The following KMT2C variants were observed in gnomAD, a reference collection of about 807,000 sequenced individuals.
KMT2C encodes lysine methyltransferase 2C.
A neutral mutation model predicts 507.9 loss-of-function variants in KMT2C; 88 were observed. The observed-to-expected ratio is 0.17, with a 90% CI of 0.15 to 0.21. The LOEUF (loss-of-function observed/expected upper bound fraction) is 0.21, where lower values mean the gene tolerates loss of function less well. Ranked by LOEUF, KMT2C falls within the 10% of genes least tolerant of loss-of-function variation. KMT2C has a pLI of 1.00. For synonymous variants in KMT2C, 2,049 were observed against 2,080.8 expected (o/e 0.98, Z 0.42); for missense variants, 4,954 against 5,957.8 (o/e 0.83, Z 5.55).
chr7:152,381,859 G>A (rs932352172), intron 1 of KMT2C, among the ~76,000 whole-genome samples: 33 of 152,256 alleles, frequency 2.2e-4, no homozygotes, highest in African/African-American at 7.5e-4. Context: ...TTCTTTCCAA[G>A]TGAATGCCTC....
chr7:152,247,853 T>A (rs747870457), intron 14 of KMT2C, 49 bp downstream of exon 14: 1 of 1,418,446 alleles, frequency 7.0e-7, no homozygotes, highest in Non-Finnish European at 9.9e-7. Flanking sequence ...TCTGATTTTA[T>A]AGAATTGTTC....
At chr7:152,160,417 C>A (rs975334663) in intron 43 of KMT2C, among the ~76,000 whole-genome samples, 2 of 152,050 alleles carry the variant, frequency 1.3e-5, no homozygotes, top group Non-Finnish European at 1.5e-5. Flanking sequence ...CACACTTTAG[C>A]TTTGAGAATC....
At chr7:152,197,580 A>T (rs530960468) in intron 27 of KMT2C, among the ~76,000 whole-genome samples, 1 of 152,300 alleles carries the variant, frequency 6.6e-6, no homozygotes, top group South Asian at 2.1e-4. Flanking sequence ...GAATGAAAAA[A>T]AATCTGGATA....
chr7:152,280,196 CAA>C (rs2096178895), intron 6 of KMT2C, among the ~76,000 whole-genome samples: 3 of 152,050 alleles, frequency 2.0e-5, no homozygotes, highest in African/African-American at 7.2e-5. Context: ...GAGGAAAAAC[CAA>C]AGAGTGGCCT....
intron 1 of KMT2C, among the ~76,000 whole-genome samples, chr7:152,396,125 A>C (rs1333451295): frequency 6.6e-6 from 1 of 152,178 alleles, no homozygotes; most frequent in African/African-American, 2.4e-5. Context: ...TGAAAACCAA[A>C]ACCCAAAGCA....
At chr7:152,367,961 C>T (rs2097260904) in intron 1 of KMT2C, 2 of 921,584 alleles carry the variant, frequency 2.2e-6, no homozygotes, top group South Asian at 2.8e-5. Context: ...CAGAGGAATG[C>T]CAACAGTTTA....
chr7:152,159,297 G>A (rs771593086), intron 43 of KMT2C, among the ~76,000 whole-genome samples: 10 of 152,194 alleles, frequency 6.6e-5, no homozygotes, highest in Non-Finnish European at 1.0e-4. Flanking sequence ...CTTGAGGAAA[G>A]AGCAGAACTC....
intron 3 of KMT2C, among the ~76,000 whole-genome samples, chr7:152,321,829 A>G (rs555391992): frequency 9.9e-5 from 15 of 151,930 alleles, no homozygotes; most frequent in Non-Finnish European, 1.8e-4. Context: ...ATACTGTGAA[A>G]CTAACTGTCC....
At chr7:152,204,628 TA>T (rs2094246044) in intron 25 of KMT2C, among the ~76,000 whole-genome samples, 1 of 149,322 alleles carries the variant, frequency 6.7e-6, no homozygotes, top group African/African-American at 2.4e-5. Flanking sequence ...GATAGATAGA[TA>T]GATAGATAGA....
intron 16 of KMT2C, among the ~76,000 whole-genome samples, chr7:152,234,342 A>G (rs1588452148): frequency 6.6e-6 from 1 of 152,262 alleles, no homozygotes; most frequent in Middle Eastern, 3.4e-3. Flanking sequence ...AGATTGTGCC[A>G]TTGCACTCCA....
At chr7:152,207,490 T>C (rs2094339935) in intron 23 of KMT2C, 62 bp from the exon 24 acceptor site, 1 of 1,439,420 alleles carries the variant, frequency 6.9e-7, no homozygotes. Flanking sequence ...AATCCCTACA[T>C]AATGGGGAAT....
chr7:152,400,638 C>CT (rs2097566778), intron 1 of KMT2C, among the ~76,000 whole-genome samples: 1 of 152,212 alleles, frequency 6.6e-6, no homozygotes, highest in African/African-American at 2.4e-5. Context: ...TACCAGTCAA[C>CT]TGTAAGGGCT....
intron 1 of KMT2C, among the ~76,000 whole-genome samples, chr7:152,408,050 G>A (rs968657381): frequency 2.6e-5 from 4 of 151,338 alleles, no homozygotes; most frequent in African/African-American, 9.8e-5. Flanking sequence ...AGCACTCTGG[G>A]AGGCCGAGGT....
chr7:152,395,466 G>A (rs1266148088), intron 1 of KMT2C, among the ~76,000 whole-genome samples: 4 of 151,854 alleles, frequency 2.6e-5, no homozygotes, highest in Non-Finnish European at 5.9e-5. Context: ...TAGAATTATA[G>A]GCATGAGCCA....
chr7:152,194,282 AAAAG>A lies in KMT2C; in HGVS notation c.4508-25_4508-22del, dbSNP rs534208156. On this transcript the variant is annotated intron_variant, in intron 29 of 58. Coordinates refer to ENST00000262189, the MANE Select transcript of KMT2C (RefSeq NM_170606.3). ...TGCTCCTAGAATAAATTAAAAAAAA[AAAAG>A]AAACATTAACAGCTACTAATTCAAT... 138 of 1,430,502 alleles carry A rather than the reference AAAAG, an allele frequency of 9.6e-5. 1 individual carries two copies. In the African/African-American group the frequency reaches 1.6e-3, roughly 17 times the overall value. The allele number at this position is 1,430,502 out of a possible 1,614,324, so 88.6% of individuals were successfully genotyped here. A position where few individuals can be genotyped will look rare whatever the true frequency, so the allele number is the denominator to read the frequency against.
At position 152,181,838 on chromosome 7, in the gene KMT2C, T is replaced by C. The variant is rs6951159; in HGVS notation, c.6022A>G (p.Thr2008Ala). 1.8e-3 allele frequency: 2,927 copies of C among 1,614,138 alleles called. 52 individuals are homozygous for C. In the African/African-American group the frequency reaches 0.035, roughly 19 times the overall value. Residue 2008 changes from threonine to alanine, a missense_variant, in exon 36 of 59, where the codon ACT (threonine) becomes GCT (alanine). Coordinates refer to ENST00000262189, the MANE Select transcript of KMT2C (RefSeq NM_170606.3). ...ACATCTGCCCTAGGAGATGGTTTAGTAAAGTGATCACTGGTTCCAGCTGCT... is the reference window on the plus strand; with the variant it reads ...ACATCTGCCCTAGGAGATGGTTTAGCAAAGTGATCACTGGTTCCAGCTGCT... Reference protein sequence around the residue: ...PIAAGTSDHFTKPSPRADVFQ... With the variant: ...PIAAGTSDHFAKPSPRADVFQ...
rs10238690 is a variant in KMT2C, at chr7:152,245,951, A to C, written c.2532+1951T>G. On this transcript the variant is annotated intron_variant, in intron 14 of 58. Transcript: ENST00000262189. ...GGAAAATGCAGCTTATTTTACAGCC[A>C]ATCCCCAACGTGAAGAATATGTAGA... 7.9e-3 allele frequency among the ~76,000 whole-genome samples: 1,196 copies of C among 152,286 alleles called. 20 individuals are homozygous for C. Among genetic ancestry groups the C allele is most frequent in the African/African-American group, 0.027 (1,140 of 41,570 alleles).
intron 1 of KMT2C, among the ~76,000 whole-genome samples, chr7:152,362,261 T>A (rs1001605043): frequency 2.6e-5 from 4 of 152,158 alleles, no homozygotes; most frequent in Non-Finnish European, 5.9e-5. Context: ...AGCATTGCAG[T>A]AGAAGTAACA....
chr7:152,183,229 G>C (rs1453373900), intron 34 of KMT2C, 73 bp from the exon 35 acceptor site: 4 of 1,202,892 alleles, frequency 3.3e-6, no homozygotes, highest in Non-Finnish European at 4.6e-6. Flanking sequence ...AAACTATCAT[G>C]AACTTTCTCA....
Sources: gnomAD v4.1 joint callset for allele counts (sites outside exome capture counted in the v4.1 genomes callset) on GRCh38, gnomAD v4.1.1 for gene constraint, MANE v1.5 for transcripts, NCBI Gene and HGNC (gene_info 2026-07-23, HGNC 2026-07-21) for gene names.